Variants in TSPAN3 observed in about 807,000 individuals in gnomAD.
The protein encoded by TSPAN3 is tetraspanin 3.
Under a neutral mutation model 31.1 loss-of-function variants are expected in TSPAN3, and 9 were observed. That is an observed-to-expected ratio of 0.29 (90% CI 0.17 to 0.50). TSPAN3 has a LOEUF of 0.50. Among genes scored for constraint, TSPAN3 ranks in the 20% least tolerant of loss-of-function variants. The pLI, the probability that TSPAN3 is intolerant of heterozygous loss-of-function variation, is 0.98. For synonymous variants in TSPAN3, 129 were observed against 114.3 expected, an observed-to-expected ratio of 1.13 and a Z score of -0.82; for missense variants, 252 against 313.5, an observed-to-expected ratio of 0.80 and a Z score of 1.48.
intron 1 of TSPAN3, among the ~76,000 whole-genome samples, chr15:77,066,068 A>T (rs1243773000): frequency 1.3e-5 from 2 of 151,492 alleles, no homozygotes; most frequent in Non-Finnish European, 2.9e-5. Flanking sequence ...AATAGGGTTT[A>T]AAAAAAAAGT....
intron 6 of TSPAN3, among the ~76,000 whole-genome samples, chr15:77,049,017 G>C (rs954792380): frequency 6.6e-6 from 1 of 152,002 alleles, no homozygotes; most frequent in Non-Finnish European, 1.5e-5. Context: ...ACAAATTTTT[G>C]CTATAAACAG....
At chr15:77,060,748 G>C (rs950598237) in intron 1 of TSPAN3, among the ~76,000 whole-genome samples, 4 of 152,070 alleles carry the variant, frequency 2.6e-5, no homozygotes, top group Admixed American at 1.3e-4. Flanking sequence ...ATGAAATGTA[G>C]AACTTGGAAG....
At chr15:77,069,816 CA>C (rs2076855668) in intron 1 of TSPAN3, 1 of 152,312 alleles carries the variant, frequency 6.6e-6, no homozygotes, top group South Asian at 2.1e-4. Flanking sequence ...CCGGAATGTT[CA>C]AGGAGTGCTC....
intron 1 of TSPAN3, among the ~76,000 whole-genome samples, chr15:77,062,457 T>A (rs1352710123): frequency 6.6e-6 from 1 of 152,168 alleles, no homozygotes; most frequent in Non-Finnish European, 1.5e-5. Flanking sequence ...AAATCCTCTT[T>A]CAGAAATTAA....
Position 77,042,446 on chromosome 15 carries a change from T to C in TSPAN3, c.*4389A>G, listed in dbSNP as rs11630497. The stretch of plus-strand genomic sequence containing the variant: ...GATCCATGGCTGGTGCCCAGGGGCC[T>C]GGAACATCTTGTTAGATCAGAAATT... On this transcript the variant is annotated 3_prime_UTR_variant, in exon 7 of 7. Transcript: ENST00000267970. 89,024 of 151,970 alleles carry C rather than the reference T, an allele frequency of 0.59. 26,982 individuals carry two copies. The highest frequency in any genetic ancestry group is 0.74 in the Middle Eastern group (218 of 294). The allele number at this position is 151,970 out of a possible 1,614,324, so 9.4% of individuals were successfully genotyped here.
chr15:77,068,019 A>G (rs1048541911), intron 1 of TSPAN3: 1 of 152,180 alleles, frequency 6.6e-6, no homozygotes, highest in African/African-American at 2.4e-5. Flanking sequence ...TCCCTGCTAG[A>G]TGGGAAAGCT....
At chr15:77,053,756 G>C (rs2076749026) in intron 4 of TSPAN3, among the ~76,000 whole-genome samples, 3 of 152,060 alleles carry the variant, frequency 2.0e-5, no homozygotes, top group African/African-American at 4.8e-5. Flanking sequence ...CTACCTTTGT[G>C]TGTATCAGAC....
At chr15:77,070,766 C>T in intron 1 of TSPAN3, 126 bp downstream of exon 1, 1 of 358,706 alleles carries the variant, frequency 2.8e-6, no homozygotes, top group South Asian at 1.1e-4. Flanking sequence ...CTCGCCTCAG[C>T]CGCCTGAGGG....
intron 1 of TSPAN3, among the ~76,000 whole-genome samples, chr15:77,060,066 CTCT>C (rs2076791526): frequency 6.6e-6 from 1 of 152,142 alleles, no homozygotes; most frequent in African/African-American, 2.4e-5. Flanking sequence ...GTAAAGCTGC[CTCT>C]TCTTTTCTGA....
chr15:77,059,786 A>C (rs1190161723), intron 1 of TSPAN3, among the ~76,000 whole-genome samples: 1 of 152,200 alleles, frequency 6.6e-6, no homozygotes, highest in African/African-American at 2.4e-5. Flanking sequence ...ATATGTACTT[A>C]ACAATCAACC....
intron 3 of TSPAN3, chr15:77,054,969 A>T (rs988972571): frequency 6.6e-6 from 1 of 152,238 alleles, no homozygotes. Flanking sequence ...TAATTACAAC[A>T]GTAATATCAT....
chr15:77,063,545 C>G (rs2076812799), intron 1 of TSPAN3: 1 of 152,094 alleles, frequency 6.6e-6, no homozygotes, highest in African/African-American at 2.4e-5. Context: ...CCACTTTTGC[C>G]ATCAACATCA....
Position 77,043,152 on chromosome 15 carries a change from G to C in TSPAN3, c.*3683C>G, listed in dbSNP as rs2076669199. 6.6e-6 allele frequency: 1 copy of C among 152,346 alleles called. No homozygotes were observed. The highest frequency in any genetic ancestry group is 1.5e-5 in the Non-Finnish European group (1 of 68,306). The allele number at this position is 152,346 out of a possible 1,614,324, so 9.4% of individuals were successfully genotyped here. ...GGCGGGGGGGCACCTCCAGTAAGTT[G>C]ATTCTCCAGCATGGGACAGGCAGCA... On this transcript the variant is annotated 3_prime_UTR_variant, in exon 7 of 7. Transcript: ENST00000267970.
At chr15:77,050,613 A>T (rs1047121183) in intron 6 of TSPAN3, among the ~76,000 whole-genome samples, 1 of 152,240 alleles carries the variant, frequency 6.6e-6, no homozygotes, top group Admixed American at 6.5e-5. Flanking sequence ...ATACAGTTCC[A>T]AAACTTTTTT....
intron 1 of TSPAN3, among the ~76,000 whole-genome samples, chr15:77,060,538 G>C (rs1188493052): frequency 2.0e-5 from 3 of 152,184 alleles, no homozygotes; most frequent in Non-Finnish European, 4.4e-5. Context: ...TTCCTAACTA[G>C]TATGCATAGG....
Position 77,045,345 on chromosome 15 carries a change from C to T in TSPAN3, c.*1490G>A, listed in dbSNP as rs2076684059. ...GCCCTGCTGCCCACTGCTAAGCTCTCTCAACTGCTATGCCAGCCTAACTGA... is the reference window on the plus strand; with the variant it reads ...GCCCTGCTGCCCACTGCTAAGCTCTTTCAACTGCTATGCCAGCCTAACTGA... On this transcript the variant is annotated 3_prime_UTR_variant, in exon 7 of 7. Transcript: ENST00000267970. The T allele has an allele frequency of 6.6e-6, 1 of 152,516 alleles. No individual in the cohort carries two copies. The highest frequency in any genetic ancestry group is 2.4e-5 in the African/African-American group (1 of 41,452). The allele number at this position is 152,516 out of a possible 1,614,324, so 9.4% of individuals were successfully genotyped here.
chr15:77,065,701 C>G (rs141197284), intron 1 of TSPAN3, among the ~76,000 whole-genome samples: 1 of 152,328 alleles, frequency 6.6e-6, no homozygotes, highest in African/African-American at 2.4e-5. Flanking sequence ...GCCACCGCAC[C>G]TGGCTGATAA....
rs889987492 is a variant in TSPAN3, at chr15:77,041,987, C to A, written c.*4848G>T. ...CACTGGAGGCAGCCTGCAGGCCTGCCCTTTATACACCTTGGTTAATCATGG... is the reference window on the plus strand; with the variant it reads ...CACTGGAGGCAGCCTGCAGGCCTGCACTTTATACACCTTGGTTAATCATGG... On this transcript the variant is annotated 3_prime_UTR_variant, in exon 7 of 7. Transcript: ENST00000267970. 1 of 152,138 alleles carries A rather than the reference C, an allele frequency of 6.6e-6. No individual in the cohort carries two copies. Among genetic ancestry groups the A allele is most frequent in the Non-Finnish European group, 1.5e-5 (1 of 68,024 alleles). 9.4% of individuals were successfully genotyped at this position (152,138 alleles called of 1,614,324 possible).
chr15:77,066,692 C>CTCA (rs572255921), intron 1 of TSPAN3, among the ~76,000 whole-genome samples: 205 of 151,278 alleles, frequency 1.4e-3, no homozygotes, highest in African/African-American at 4.6e-3. Flanking sequence ...TATTTAAAGC[C>CTCA]TCATCATTCC....
Sources: allele counts gnomAD v4.1 joint callset (sites outside exome capture counted in the v4.1 genomes callset), GRCh38; gene constraint gnomAD v4.1.1; transcripts MANE v1.5; gene names NCBI Gene and HGNC (gene_info 2026-07-23, HGNC 2026-07-21).